CDKAL1: variants seen among roughly 807,000 people sequenced by gnomAD.
CDKAL1 encodes the protein CDKAL1 threonylcarbamoyladenosine tRNA methylthiotransferase, also known as threonylcarbamoyladenosine tRNA methylthiotransferase.
CDKAL1 carries 32 observed loss-of-function variants against 68.2 expected under a neutral mutation model. The observed-to-expected ratio is 0.47, with a 90% confidence interval of 0.35 to 0.63. The LOEUF (loss-of-function observed/expected upper bound fraction) is 0.63, where lower values mean the gene tolerates loss of function less well. CDKAL1 is among the 30% of genes least tolerant of loss of function. The pLI is 0.00. For synonymous variants in CDKAL1, 234 were observed against 244.3 expected (o/e 0.96, Z 0.39); for missense variants, 606 against 696.7 (o/e 0.87, Z 1.47).
intron 13 of CDKAL1, among the ~76,000 whole-genome samples, chr6:21,176,631 A>T (rs1187634783): frequency 6.6e-6 from 1 of 151,346 alleles, no homozygotes; most frequent in Non-Finnish European, 1.5e-5. Flanking sequence ...GCTTAGGCAA[A>T]GGGTCTTCCT....
intron 5 of CDKAL1, among the ~76,000 whole-genome samples, chr6:20,654,037 G>A (rs545353746): frequency 2.6e-5 from 4 of 152,106 alleles, no homozygotes; most frequent in South Asian, 2.1e-4. Flanking sequence ...ATGAGCCACC[G>A]CGCCTAGTCA....
chr6:20,772,648 A>G (rs1774995653), intron 7 of CDKAL1, among the ~76,000 whole-genome samples: 1 of 152,200 alleles, frequency 6.6e-6, no homozygotes, highest in Non-Finnish European at 1.5e-5. Flanking sequence ...TGGAAGAAAA[A>G]AATTGCCTAA....
At chr6:20,816,695 A>G (rs1777061394) in intron 8 of CDKAL1, among the ~76,000 whole-genome samples, 1 of 148,316 alleles carries the variant, frequency 6.7e-6, no homozygotes, top group African/African-American at 2.6e-5. Flanking sequence ...TCAGAAAACT[A>G]AGAAAAAAAA....
chr6:20,711,680 G>A (rs1397460343), intron 5 of CDKAL1, among the ~76,000 whole-genome samples: 4 of 152,212 alleles, frequency 2.6e-5, no homozygotes, highest in Non-Finnish European at 5.9e-5. Flanking sequence ...TGGTATTTAT[G>A]TGTTAATTCC....
intron 2 of CDKAL1, among the ~76,000 whole-genome samples, chr6:20,536,973 A>G (rs1173981695): frequency 6.6e-6 from 1 of 152,230 alleles, no homozygotes; most frequent in African/African-American, 2.4e-5. Flanking sequence ...ATTGATGCCC[A>G]GGCTCCATTC....
Position 21,044,264 on chromosome 6 carries a change from G to T in CDKAL1, c.1056-20784G>T, listed in dbSNP as rs564522225. Among the ~76,000 whole-genome samples, 3 of 152,122 alleles carry T rather than the reference G, an allele frequency of 2.0e-5. No individual in the cohort carries two copies. In the South Asian group the frequency reaches 6.2e-4, roughly 32 times the overall value. On this transcript the variant is annotated intron_variant, in intron 11 of 15. Coordinates refer to ENST00000274695, the MANE Select transcript of CDKAL1 (RefSeq NM_017774.3). ...GCCTGGCACAGTTGGTCACATTACTGTTTACCTCCACTGGTGGCTAGAAAT... is the reference window on the plus strand; with the variant it reads ...GCCTGGCACAGTTGGTCACATTACTTTTTACCTCCACTGGTGGCTAGAAAT...
At chr6:20,929,370 A>G (rs887631395) in intron 9 of CDKAL1, among the ~76,000 whole-genome samples, 3 of 152,220 alleles carry the variant, frequency 2.0e-5, no homozygotes, top group Non-Finnish European at 4.4e-5. Context: ...CCTCTGCAGC[A>G]CAACGTAGGA....
chr6:20,884,158 A>G (rs1013330982), intron 9 of CDKAL1, among the ~76,000 whole-genome samples: 1 of 152,224 alleles, frequency 6.6e-6, no homozygotes, highest in African/African-American at 2.4e-5. Flanking sequence ...AGATGCTTCC[A>G]CATAACAAAA....
intron 2 of CDKAL1, among the ~76,000 whole-genome samples, chr6:20,541,134 A>G (rs1348778287): frequency 2.0e-5 from 3 of 152,170 alleles, no homozygotes; most frequent in Non-Finnish European, 4.4e-5. Context: ...TTGACCACAG[A>G]ACCATTTTTT....
intron 13 of CDKAL1, among the ~76,000 whole-genome samples, chr6:21,166,248 T>TA (rs1777147685): frequency 6.6e-6 from 1 of 152,206 alleles, no homozygotes; most frequent in South Asian, 2.1e-4. Context: ...TTTTCACTAT[T>TA]ACCAGAAAAT....
At chr6:20,629,397 T>C (rs1767574684) in intron 4 of CDKAL1, among the ~76,000 whole-genome samples, 1 of 152,228 alleles carries the variant, frequency 6.6e-6, no homozygotes, top group Non-Finnish European at 1.5e-5. Flanking sequence ...GTTTCTCCAC[T>C]GTAAGGTTAT....
chr6:20,873,995 C>T (rs1281177614), intron 9 of CDKAL1, among the ~76,000 whole-genome samples: 2 of 152,044 alleles, frequency 1.3e-5, no homozygotes, highest in Admixed American at 6.6e-5. Context: ...GGTGGCAGTC[C>T]CAGATGGGGG....
intron 8 of CDKAL1, among the ~76,000 whole-genome samples, chr6:20,793,758 G>T (rs1433545077): frequency 9.1e-6 from 1 of 110,464 alleles, no homozygotes; most frequent in Non-Finnish European, 2.0e-5. Flanking sequence ...ACATTTCAGG[G>T]ATTGTTTTTT....
intron 4 of CDKAL1, among the ~76,000 whole-genome samples, chr6:20,639,702 G>T (rs905192656): frequency 6.6e-6 from 1 of 152,138 alleles, no homozygotes; most frequent in Non-Finnish European, 1.5e-5. Flanking sequence ...TTGGAGTCTC[G>T]CTCTGCTGCT....
At chr6:20,982,122 A>G (rs1766187910) in intron 10 of CDKAL1, among the ~76,000 whole-genome samples, 2 of 151,834 alleles carry the variant, frequency 1.3e-5, no homozygotes, top group African/African-American at 4.8e-5. Context: ...GCTGGAGTAC[A>G]GTGGTGCAAT....
chr6:20,553,138 G>A (rs1314250035), intron 4 of CDKAL1, among the ~76,000 whole-genome samples: 1 of 152,110 alleles, frequency 6.6e-6, no homozygotes, highest in Non-Finnish European at 1.5e-5. Flanking sequence ...TATCATTTGG[G>A]GAAGAAAGAT....
intron 13 of CDKAL1, among the ~76,000 whole-genome samples, chr6:21,192,526 G>A (rs1778299433): frequency 6.7e-6 from 1 of 150,034 alleles, no homozygotes; most frequent in Non-Finnish European, 1.5e-5. Flanking sequence ...AGCTCTGAAG[G>A]TAAGAATTGT....
intron 8 of CDKAL1, among the ~76,000 whole-genome samples, chr6:20,827,688 G>A (rs750482740): frequency 3.9e-5 from 6 of 152,008 alleles, no homozygotes; most frequent in East Asian, 1.9e-4. Context: ...TTCTGTGTTC[G>A]TTTAACATTT....
chr6:20,738,261 T>A (rs985788125), intron 5 of CDKAL1, among the ~76,000 whole-genome samples: 1 of 152,060 alleles, frequency 6.6e-6, no homozygotes, highest in Non-Finnish European at 1.5e-5. Context: ...GACTTGAAAA[T>A]TTAATTTTAA....
Sources: gnomAD v4.1 joint callset for allele counts (sites outside exome capture counted in the v4.1 genomes callset) on GRCh38, gnomAD v4.1.1 for gene constraint, MANE v1.5 for transcripts, NCBI Gene and HGNC (gene_info 2026-07-23, HGNC 2026-07-21) for gene names.